The following DCK variants were observed in gnomAD, a reference collection of about 807,000 sequenced individuals.
DCK encodes the protein deoxycytidine kinase.
DCK carries 23 observed loss-of-function variants against 38.3 expected under a neutral mutation model. That is an observed-to-expected ratio of 0.60 (90% CI 0.43 to 0.85). DCK has a LOEUF of 0.85. DCK is among the 40% of genes least tolerant of loss of function. The pLI is 0.00. For synonymous variants in DCK, 108 were observed against 100.6 expected (o/e 1.07, Z -0.44); for missense variants, 259 against 304.4 (o/e 0.85, Z 1.11).
intron 1 of DCK, among the ~76,000 whole-genome samples, chr4:70,994,271 G>A (rs923294040): frequency 3.9e-5 from 6 of 152,170 alleles, no homozygotes; most frequent in African/African-American, 1.2e-4. Flanking sequence ...CCCTTTTTAG[G>A]TGTACTCTTC....
intron 2 of DCK, among the ~76,000 whole-genome samples, chr4:71,002,610 T>C (rs991321899): frequency 2.0e-5 from 3 of 152,242 alleles, no homozygotes; most frequent in African/African-American, 7.2e-5. Flanking sequence ...CTTTGTGGGT[T>C]TCTAAGAACT....
chr4:71,009,777 T>C (rs1740039121), intron 2 of DCK, among the ~76,000 whole-genome samples: 1 of 152,152 alleles, frequency 6.6e-6, no homozygotes. Context: ...GAGGGGGTAG[T>C]ATTTTTGAGA....
chr4:71,022,607 G>C, intron 3 of DCK, 47 bp downstream of exon 3: 1 of 1,109,850 alleles, frequency 9.0e-7, no homozygotes, highest in Non-Finnish European at 1.2e-6. Context: ...TTTTATCTTA[G>C]AACTGGACTT....
rs1740644174 is a variant in DCK, at chr4:71,029,922, TCTTA to T, written c.*548_*551del. 1 of 152,740 alleles carries T rather than the reference TCTTA, an allele frequency of 6.5e-6. No homozygotes were observed. The highest frequency in any genetic ancestry group is 1.5e-5 in the Non-Finnish European group (1 of 68,100). The allele number at this position is 152,740 out of a possible 1,614,324, so 9.5% of individuals were successfully genotyped here. ...ATCTTCTTAACAGTTTAGTCCCACC[TCTTA>T]CTTCCTGCCTCAGTCTGCTTTCTCT... On this transcript the variant is annotated 3_prime_UTR_variant, in exon 7 of 7. Coordinates refer to ENST00000286648, the MANE Select transcript of DCK (RefSeq NM_000788.3).
chr4:71,014,217 AACTATCC>A (rs1201858906), intron 2 of DCK, among the ~76,000 whole-genome samples: 1 of 152,236 alleles, frequency 6.6e-6, no homozygotes, highest in African/African-American at 2.4e-5. Flanking sequence ...AACAAGAGCT[AACTATCC>A]TAAATATATA....
At chr4:70,997,304 A>G (rs1211201890) in intron 1 of DCK, among the ~76,000 whole-genome samples, 2 of 152,156 alleles carry the variant, frequency 1.3e-5, no homozygotes, top group Admixed American at 6.5e-5. Flanking sequence ...ACATTCTTCT[A>G]AATGCTGTAC....
At position 71,022,509 on chromosome 4, in the gene DCK, A is replaced by G. The variant is rs751688899; in HGVS notation, c.350A>G (p.Lys117Arg). Residue 117 changes from lysine (K) to arginine (R), a missense_variant, in exon 3 of 7, where the codon AAA (lysine) becomes AGA (arginine). Around this residue, in one of 3 missense-constraint regions of DCK, gnomAD observed 159 missense variants for 159.0 expected, o/e 1.00. Coordinates refer to ENST00000286648, the MANE Select transcript of DCK (RefSeq NM_000788.3). ...AQLASLNGKLKDAEKPVLFFE... is the reference protein window; with the variant it reads ...AQLASLNGKLRDAEKPVLFFE... ...CTTGCCTCTCTGAATGGCAAGCTCA[A>G]AGATGCAGAGAAACCTGTATTATTT... 8 of 1,603,694 alleles carry G rather than the reference A, an allele frequency of 5.0e-6. No individual in the cohort carries two copies. The highest frequency in any genetic ancestry group is 6.0e-6 in the Non-Finnish European group (7 of 1,176,254).
Position 70,993,796 on chromosome 4 carries a change from T to C in DCK, c.-40T>C, listed in dbSNP as rs761508555. ...CGCACCCGTGGCCGCCTCCCAGCCC[T>C]CTTTGCCGGACGAGCTCTGGGCCGC... On this transcript the variant is annotated 5_prime_UTR_variant, in exon 1 of 7. Coordinates refer to ENST00000286648, the MANE Select transcript of DCK (RefSeq NM_000788.3). 2 of 1,497,624 alleles carry C rather than the reference T, an allele frequency of 1.3e-6. No homozygotes were observed. Among genetic ancestry groups the C allele is most frequent in the East Asian group, 4.6e-5 (2 of 43,716 alleles). The allele number at this position is 1,497,624 out of a possible 1,614,324, so 92.8% of individuals were successfully genotyped here.
At chr4:71,009,895 CCTT>C (rs886684523) in intron 2 of DCK, among the ~76,000 whole-genome samples, 1 of 152,198 alleles carries the variant, frequency 6.6e-6, no homozygotes, top group African/African-American at 2.4e-5. Flanking sequence ...ATCCAGTAGT[CCTT>C]CTTCCCCAGA....
intron 2 of DCK, among the ~76,000 whole-genome samples, chr4:71,014,043 C>T (rs924722265): frequency 6.6e-5 from 10 of 152,014 alleles, no homozygotes; most frequent in Non-Finnish European, 1.5e-4. Context: ...CAGAGACATA[C>T]ATAGGCTCAA....
chr4:71,022,977 A>T (rs893887705), intron 3 of DCK, among the ~76,000 whole-genome samples: 6 of 152,156 alleles, frequency 3.9e-5, no homozygotes, highest in Non-Finnish European at 7.3e-5. Flanking sequence ...GTTAGCTCAG[A>T]ACAGAGGTTC....
intron 4 of DCK, 95 bp downstream of exon 4, chr4:71,023,801 C>CA: frequency 8.7e-7 from 1 of 1,155,250 alleles, no homozygotes; most frequent in Non-Finnish European, 1.2e-6. Context: ...AGTTTAACTC[C>CA]AGCCTCCCAA....
chr4:71,013,084 A>G (rs537887017), intron 2 of DCK, among the ~76,000 whole-genome samples: 3 of 152,358 alleles, frequency 2.0e-5, no homozygotes, highest in African/African-American at 7.2e-5. Flanking sequence ...GGAGCTGAAA[A>G]CCATGGCACG....
At position 71,006,357 on chromosome 4, in the gene DCK, A is replaced by G. The variant is rs1180436544; in HGVS notation, c.207+8175A>G. 7 of 802,134 alleles carry G rather than the reference A, an allele frequency of 8.7e-6. No individual in the cohort carries two copies. In the East Asian group the frequency reaches 7.5e-4, roughly 85 times the overall value. The allele number at this position is 802,134 out of a possible 1,614,324, so 49.7% of individuals were successfully genotyped here. A position where few individuals can be genotyped will look rare whatever the true frequency, so the allele number is the denominator to read the frequency against. On this transcript the variant is annotated intron_variant, in intron 2 of 6. Coordinates refer to ENST00000286648, the MANE Select transcript of DCK (RefSeq NM_000788.3). ...GTTCAGTGTCATTTTTTTAAATACC[A>G]AAATGTATGGTTGTATGTGTGAGAG...
At chr4:71,016,004 C>T (rs1029172163) in intron 2 of DCK, among the ~76,000 whole-genome samples, 71 of 152,314 alleles carry the variant, frequency 4.7e-4, no homozygotes, top group African/African-American at 1.6e-3. Context: ...TCCCTGTTTG[C>T]AGATGACATG....
At chr4:71,011,638 A>G (rs975229948) in intron 2 of DCK, among the ~76,000 whole-genome samples, 1 of 152,220 alleles carries the variant, frequency 6.6e-6, no homozygotes, top group Non-Finnish European at 1.5e-5. Flanking sequence ...AATTAGGCAT[A>G]TGAGTCACCA....
rs2148920181 is a variant in DCK, at chr4:71,026,739, A to G, written c.740A>G (p.Glu247Gly). 1.3e-6 allele frequency: 2 copies of G among 1,535,694 alleles called. No individual in the cohort carries two copies. The highest frequency in any genetic ancestry group is 2.3e-5 in the East Asian group (1 of 44,214). The change falls in exon 6 of 7, where the codon GAA becomes GGA. Residue 247 changes from glutamate to glycine, a missense_variant. This residue lies in a region of DCK where 82 missense variants were observed against 103.8 expected (regional missense o/e 0.79). Coordinates refer to ENST00000286648, the MANE Select transcript of DCK (RefSeq NM_000788.3). ...DVNEDFKDKY[E>G]SLVEKVKEFL... ...AATGAAGACTTTAAAGACAAATATG[A>G]AAGTCTGGTTGAAAAGGTAGATTTA...
At chr4:71,019,646 A>G (rs1350133638) in intron 2 of DCK, among the ~76,000 whole-genome samples, 1 of 152,176 alleles carries the variant, frequency 6.6e-6, no homozygotes, top group Non-Finnish European at 1.5e-5. Flanking sequence ...CATCTAAAAG[A>G]TTAATAATTC....
At chr4:71,004,597 G>A (rs1739893068) in intron 2 of DCK, among the ~76,000 whole-genome samples, 1 of 152,258 alleles carries the variant, frequency 6.6e-6, no homozygotes, top group African/African-American at 2.4e-5. Context: ...CCAGGGAGAT[G>A]GGAGTTTGAT....
Sources: allele counts gnomAD v4.1 joint callset (sites outside exome capture counted in the v4.1 genomes callset), GRCh38; gene constraint gnomAD v4.1.1; regional missense constraint gnomAD v4.1.1; transcripts MANE v1.5; gene names NCBI Gene and HGNC (gene_info 2026-07-23, HGNC 2026-07-21).